The following SP6 variants were observed in gnomAD, a reference collection of about 807,000 sequenced individuals.
SP6 encodes transcription factor Sp6.
In SP6, 10 loss-of-function variants were observed where a neutral mutation model predicts 23.4. That is an observed-to-expected ratio of 0.43 (90% CI 0.26 to 0.72). SP6 has a LOEUF of 0.72. SP6 is among the 30% of genes least tolerant of loss of function. The pLI, the probability that SP6 is intolerant of heterozygous loss-of-function variation, is 0.23. For synonymous variants in SP6, 238 were observed against 238.7 expected (o/e 1.00, Z 0.03); for missense variants, 482 against 523.8 (o/e 0.92, Z 0.78).
At chr17:47,849,104 C>T (rs2033927971) in intron 1 of SP6, among the ~76,000 whole-genome samples, 2 of 152,150 alleles carry the variant, frequency 1.3e-5, no homozygotes, top group South Asian at 2.1e-4. Context: ...CCCACTAAAC[C>T]GACTCACATG....
chr17:47,867,698 C>T, the SP6 span, among the ~76,000 whole-genome samples: 3 of 152,090 alleles, frequency 2.0e-5, no homozygotes, highest in African/African-American at 7.2e-5. Flanking sequence ...TCCTTTGGAC[C>T]AGGAGCGGAG....
At chr17:47,874,262 AT>A in the SP6 span, among the ~76,000 whole-genome samples, 4 of 151,578 alleles carry the variant, frequency 2.6e-5, no homozygotes, top group Non-Finnish European at 5.9e-5. Context: ...AATTTTAAAA[AT>A]TTTTTTCTGT....
rs143465634 is a variant in SP6 at position 47,845,422 on chromosome 17, G to C, written c.*1877C>G. On this transcript the variant is annotated 3_prime_UTR_variant, in exon 2 of 2. Coordinates refer to ENST00000536300, the MANE Select transcript of SP6 (RefSeq NM_001258248.2). ...GGTAGGGAAAAGAGAAAGAAAGAAA[G>C]AACATTACTTCTTAAACTACCCCAG... 6.6e-6 allele frequency: 1 copy of C among 152,218 alleles called. No homozygotes were observed. The highest frequency in any genetic ancestry group is 1.5e-5 in the Non-Finnish European group (1 of 68,048). 9.4% of individuals were successfully genotyped at this position (152,218 alleles called of 1,614,324 possible). A position where few individuals can be genotyped will look rare whatever the true frequency, so the allele number is the denominator to read the frequency against.
chr17:47,860,540 G>T (rs2034028178), upstream of SP6, among the ~76,000 whole-genome samples: 1 of 152,070 alleles, frequency 6.6e-6, no homozygotes. Context: ...ACAAGGGGCT[G>T]CCAGGTCAGA....
chr17:47,871,613 G>A, the SP6 span, among the ~76,000 whole-genome samples: 1 of 149,250 alleles, frequency 6.7e-6, no homozygotes, highest in African/African-American at 2.5e-5. Context: ...CTCTGTTTCT[G>A]TTTCTTTCTT....
At chr17:47,856,300 T>C (rs944478175), upstream of SP6, among the ~76,000 whole-genome samples, 16 of 152,192 alleles carry the variant, frequency 1.1e-4, no homozygotes, top group African/African-American at 3.9e-4. Context: ...GTGTAATCTA[T>C]CTTTTGGACC....
chr17:47,870,211 C>T, the SP6 span, among the ~76,000 whole-genome samples: 1 of 152,168 alleles, frequency 6.6e-6, no homozygotes, highest in Non-Finnish European at 1.5e-5. Flanking sequence ...CCAAGGGAAC[C>T]AATGAGATAA....
chr17:47,863,997 C>T, the SP6 span, among the ~76,000 whole-genome samples: 1 of 143,150 alleles, frequency 7.0e-6, no homozygotes, highest in East Asian at 2.0e-4. Flanking sequence ...GCTACCGCGC[C>T]TGGCTTTTTT....
chr17:47,872,073 G>A, the SP6 span, among the ~76,000 whole-genome samples: 3 of 152,156 alleles, frequency 2.0e-5, no homozygotes, highest in Non-Finnish European at 4.4e-5. Flanking sequence ...ACAAGTGGTT[G>A]AAAAATAGGA....
upstream of SP6, among the ~76,000 whole-genome samples, chr17:47,858,231 C>A (rs1308112411): frequency 6.6e-6 from 1 of 152,064 alleles, no homozygotes; most frequent in Non-Finnish European, 1.5e-5. Flanking sequence ...CTCCTCCTTG[C>A]CCAGCCTCCC....
the SP6 span, among the ~76,000 whole-genome samples, chr17:47,870,467 T>C: frequency 6.6e-6 from 1 of 152,072 alleles, no homozygotes; most frequent in African/African-American, 2.4e-5. Context: ...GCAGGAGGCA[T>C]TGATTTCCCC....
chr17:47,848,921 G>C lies in SP6; in HGVS notation c.-57-435C>G, dbSNP rs138840873. ...CCAGTTTAACTCAGGATACAGATGG[G>C]AGAGGGGATGGTCTATTTCTGAAAC... On this transcript the variant is annotated intron_variant, in intron 1 of 1. Coordinates refer to ENST00000536300, the MANE Select transcript of SP6 (RefSeq NM_001258248.2). This position sits in a 1 kb window ranked among gnomAD's most constrained non-coding sequence, Gnocchi z 5.3. 6.6e-6 allele frequency among the ~76,000 whole-genome samples: 1 copy of C among 152,302 alleles called. No individual in the cohort carries two copies. The highest frequency in any genetic ancestry group is 2.4e-5 in the African/African-American group (1 of 41,548).
upstream of SP6, among the ~76,000 whole-genome samples, chr17:47,858,539 A>G (rs1012712005): frequency 2.0e-5 from 3 of 152,194 alleles, no homozygotes; most frequent in African/African-American, 7.2e-5. Flanking sequence ...GGGGAAGATG[A>G]TGAAGAAAGA....
At chr17:47,871,776 G>T in the SP6 span, among the ~76,000 whole-genome samples, 1 of 152,098 alleles carries the variant, frequency 6.6e-6, no homozygotes, top group Admixed American at 6.6e-5. Context: ...CTGCCACCAT[G>T]CCTGACTAAT....
chr17:47,854,228 CATT>C (rs2033982389), upstream of SP6, among the ~76,000 whole-genome samples: 1 of 152,230 alleles, frequency 6.6e-6, no homozygotes, highest in South Asian at 2.1e-4. Context: ...GGAGAAATCT[CATT>C]AGTCTGCGTG....
At chr17:47,866,597 C>T in the SP6 span, among the ~76,000 whole-genome samples, 2 of 152,184 alleles carry the variant, frequency 1.3e-5, no homozygotes, top group African/African-American at 2.4e-5. Context: ...GCTGCCGGAC[C>T]GGAGTAGCCA....
At chr17:47,873,896 C>T in the SP6 span, among the ~76,000 whole-genome samples, 2 of 149,256 alleles carry the variant, frequency 1.3e-5, no homozygotes, top group Admixed American at 6.7e-5. Context: ...CTTCTTCTTC[C>T]TCCTCCGCCT....
At chr17:47,860,029 T>C (rs1020111574), upstream of SP6, among the ~76,000 whole-genome samples, 3 of 152,050 alleles carry the variant, frequency 2.0e-5, no homozygotes, top group Non-Finnish European at 2.9e-5. Context: ...TCAAAAACAT[T>C]CAATAGCCCC....
At chr17:47,855,061 C>T (rs537765249), upstream of SP6, among the ~76,000 whole-genome samples, 2 of 152,152 alleles carry the variant, frequency 1.3e-5, no homozygotes, top group Non-Finnish European at 2.9e-5. Flanking sequence ...AAACACTTAT[C>T]GAGGGTCTAC....
Sources: gnomAD v4.1 joint callset for allele counts (sites outside exome capture counted in the v4.1 genomes callset) on GRCh38, gnomAD v4.1.1 for gene constraint, Gnocchi (gnomAD v3.1) non-coding constraint, MANE v1.5 for transcripts, NCBI Gene and HGNC (gene_info 2026-07-23, HGNC 2026-07-21) for gene names.